Variants in ARSB observed in about 807,000 individuals in gnomAD.
ARSB encodes the protein N-acetylgalactosamine-4-sulfatase.
A neutral mutation model predicts 50.9 loss-of-function variants in ARSB; 41 were observed. The ratio of observed to expected loss-of-function variants is 0.81; its 90% CI spans 0.63 to 1.04. ARSB has a LOEUF of 1.04. Among genes scored for constraint, ARSB ranks in the 50% least tolerant of loss-of-function variants. The probability of loss-of-function intolerance (pLI) is 0.00; values close to 1 mark genes in which losing one functional copy is unlikely to be tolerated. For synonymous variants in ARSB, 269 were observed against 284.8 expected (o/e 0.94, Z 0.56); for missense variants, 672 against 693.3 (o/e 0.97, Z 0.35).
intron 5 of ARSB, among the ~76,000 whole-genome samples, chr5:78,853,323 C>G (rs1439703972): frequency 3.9e-5 from 6 of 152,224 alleles, no homozygotes; most frequent in Admixed American, 3.3e-4. Flanking sequence ...GAGGTCCACT[C>G]CAGACCCTGT....
chr5:78,933,504 TG>T (rs1486586874), intron 4 of ARSB, among the ~76,000 whole-genome samples: 2 of 152,198 alleles, frequency 1.3e-5, no homozygotes, highest in African/African-American at 4.8e-5. Context: ...TACTTTTTTT[TG>T]TGGAGGTCAA....
intron 2 of ARSB, among the ~76,000 whole-genome samples, chr5:78,966,017 T>C (rs919342706): frequency 2.0e-5 from 3 of 152,196 alleles, no homozygotes; most frequent in African/African-American, 7.2e-5. Context: ...CATGGGTGAT[T>C]AGAATGTCAG....
intron 1 of ARSB, among the ~76,000 whole-genome samples, chr5:78,972,516 T>TACGTACACACACACACAC (rs71614002): frequency 6.9e-6 from 1 of 145,598 alleles, no homozygotes; most frequent in African/African-American, 2.6e-5. Context: ...CACGCATACG[T>TACGTACACACACACACAC]ACACACACAC....
At chr5:78,831,135 T>C (rs910833218) in intron 6 of ARSB, among the ~76,000 whole-genome samples, 2 of 152,188 alleles carry the variant, frequency 1.3e-5, no homozygotes, top group Non-Finnish European at 2.9e-5. Flanking sequence ...TTGTTCACTG[T>C]TGTTTGGACA....
At chr5:78,860,199 ATCTG>A (rs1385335262) in intron 5 of ARSB, among the ~76,000 whole-genome samples, 1 of 152,118 alleles carries the variant, frequency 6.6e-6, no homozygotes, top group Non-Finnish European at 1.5e-5. Context: ...TGTCTCGTTG[ATCTG>A]TCTAATGTTG....
At chr5:78,929,521 T>A (rs1365475950) in intron 4 of ARSB, among the ~76,000 whole-genome samples, 1 of 152,054 alleles carries the variant, frequency 6.6e-6, no homozygotes, top group African/African-American at 2.4e-5. Flanking sequence ...CCCGGCGCAG[T>A]GGCTCACTCC....
At chr5:78,804,151 A>G (rs1743486952) in intron 6 of ARSB, among the ~76,000 whole-genome samples, 1 of 152,096 alleles carries the variant, frequency 6.6e-6, no homozygotes, top group Admixed American at 6.5e-5. Context: ...AACAAATGCC[A>G]GGGAAGAGAA....
chr5:78,951,178 A>G (rs1271900226), intron 4 of ARSB, among the ~76,000 whole-genome samples: 1 of 152,130 alleles, frequency 6.6e-6, no homozygotes, highest in African/African-American at 2.4e-5. Flanking sequence ...CAGGAGTTTG[A>G]GACCAGTCTG....
intron 4 of ARSB, among the ~76,000 whole-genome samples, chr5:78,931,303 G>T (rs1750315715): frequency 6.6e-6 from 1 of 152,094 alleles, no homozygotes; most frequent in African/African-American, 2.4e-5. Context: ...CATTCTAGAA[G>T]AGATGAGTAT....
intron 6 of ARSB, among the ~76,000 whole-genome samples, chr5:78,783,676 A>G (rs1748989606): frequency 6.6e-6 from 1 of 152,202 alleles, no homozygotes; most frequent in Admixed American, 6.5e-5. Flanking sequence ...TACTCCTCAC[A>G]AGTTTGTATG....
intron 4 of ARSB, among the ~76,000 whole-genome samples, chr5:78,926,547 T>C (rs551668832): frequency 3.3e-5 from 5 of 152,302 alleles, no homozygotes; most frequent in African/African-American, 1.2e-4. Flanking sequence ...TCAAAGATGA[T>C]GCTCAAAACT....
intron 4 of ARSB, among the ~76,000 whole-genome samples, chr5:78,951,446 G>A (rs572268594): frequency 7.2e-5 from 11 of 152,118 alleles, no homozygotes; most frequent in African/African-American, 2.4e-4. Context: ...TAAGGTGTAG[G>A]ATTAAAATTG....
chr5:78,864,921 G>T (rs1282586042), intron 5 of ARSB, among the ~76,000 whole-genome samples: 2 of 152,242 alleles, frequency 1.3e-5, no homozygotes, highest in African/African-American at 4.8e-5. Context: ...TCACGCTGAT[G>T]CAAGAGGTGG....
chr5:78,965,233 G>A (rs1752155042), intron 2 of ARSB, among the ~76,000 whole-genome samples: 1 of 152,102 alleles, frequency 6.6e-6, no homozygotes, highest in Non-Finnish European at 1.5e-5. Flanking sequence ...AGATTTAAAT[G>A]GCATCAACGG....
chr5:78,865,156 C>A (rs1746657090), intron 5 of ARSB, among the ~76,000 whole-genome samples: 1 of 152,096 alleles, frequency 6.6e-6, no homozygotes, highest in Non-Finnish European at 1.5e-5. Flanking sequence ...TTCCATCCTG[C>A]CCTAGCAGAG....
chr5:78,825,089 T>C (rs2112682818), intron 6 of ARSB, among the ~76,000 whole-genome samples: 1 of 152,322 alleles, frequency 6.6e-6, no homozygotes, highest in African/African-American at 2.4e-5. Context: ...CAAATCCAGT[T>C]GGTTTTTAAT....
rs138503510 is a variant in ARSB, at chr5:78,833,859, C to G, written c.1213+5497G>C. Among the ~76,000 whole-genome samples the G allele has an allele frequency of 2.8e-3, 424 of 152,278 alleles. 1 individual carries two copies. The highest frequency in any genetic ancestry group is 8.2e-3 in the African/African-American group (339 of 41,556). ...ATGCAGGGAGCGATGAGGGTGGGCA[C>G]TTAGAAGCTGAATGAACAGTTTCAA... On this transcript the variant is annotated intron_variant, in intron 6 of 7. Coordinates refer to ENST00000264914, the MANE Select transcript of ARSB (RefSeq NM_000046.5).
intron 4 of ARSB, among the ~76,000 whole-genome samples, chr5:78,943,676 G>A (rs1264433263): frequency 6.6e-6 from 1 of 152,130 alleles, no homozygotes; most frequent in African/African-American, 2.4e-5. Context: ...TCCCTTTGTG[G>A]GTAACCTGAC....
At chr5:78,856,540 T>C (rs952752124) in intron 5 of ARSB, among the ~76,000 whole-genome samples, 10 of 152,136 alleles carry the variant, frequency 6.6e-5, no homozygotes, top group Non-Finnish European at 1.5e-4. Context: ...TATACCAAAG[T>C]GGGTTGGAGA....
Sources: gnomAD v4.1 joint callset for allele counts (sites outside exome capture counted in the v4.1 genomes callset) on GRCh38, gnomAD v4.1.1 for gene constraint, MANE v1.5 for transcripts, NCBI Gene and HGNC (gene_info 2026-07-23, HGNC 2026-07-21) for gene names.